Variants in ATRX observed in about 807,000 individuals in gnomAD.
The protein encoded by ATRX is chromatin remodeler ATRX.
ATRX carries 12 observed loss-of-function variants against 172.6 expected under a neutral mutation model. The observed-to-expected ratio is 0.07, with a 90% CI of 0.04 to 0.11. The LOEUF is 0.11. Among genes scored for constraint, ATRX ranks in the 10% least tolerant of loss-of-function variants. The pLI is 1.00. For missense variants in ATRX, 1,368 were observed against 1,767.4 expected, an observed-to-expected ratio of 0.77 and a Z score of 4.05; for synonymous variants, 674 against 594.7, an observed-to-expected ratio of 1.13 and a Z score of -1.94.
intron 30 of ATRX, among the ~76,000 whole-genome samples, chrX:77,551,478 T>G (rs1485410548): frequency 1.8e-5 from 2 of 112,002 alleles, no homozygotes; most frequent in Non-Finnish European, 3.8e-5. Flanking sequence ...CAAGATGGAT[T>G]AAAGACTTAA....
intron 10 of ATRX, among the ~76,000 whole-genome samples, chrX:77,671,167 A>AAATATATATATATAT (rs1424480831): frequency 1.3e-4 from 2 of 15,735 alleles, no homozygotes; most frequent in African/African-American, 2.1e-4. Context: ...AAAAAAAAAA[A>AAATATATATATATAT]ATATATATAT....
At chrX:77,522,084 C>A (rs940185342) in intron 32 of ATRX, 179 bp downstream of exon 32, 25 of 553,258 alleles carry the variant, frequency 4.5e-5, no homozygotes, top group Non-Finnish European at 5.9e-5. Context: ...TCTGAACAAA[C>A]CACATTTTAC....
chrX:77,569,014 T>A (rs1385662882), intron 28 of ATRX, among the ~76,000 whole-genome samples: 3 of 111,340 alleles, frequency 2.7e-5, no homozygotes, highest in Non-Finnish European at 5.7e-5. Flanking sequence ...TCAAAGAGGC[T>A]GAGGCAGGAG....
intron 1 of ATRX, among the ~76,000 whole-genome samples, chrX:77,720,030 C>G (rs2073664356): frequency 8.9e-6 from 1 of 112,020 alleles, no homozygotes; most frequent in Non-Finnish European, 1.9e-5. Context: ...GAAACTCATT[C>G]AAAACCGCAC....
intron 30 of ATRX, among the ~76,000 whole-genome samples, chrX:77,555,292 G>C (rs1403219088): frequency 1.8e-5 from 2 of 112,007 alleles, no homozygotes; most frequent in African/African-American, 6.5e-5. Flanking sequence ...ATGGAAGACA[G>C]TGTGGCGATT....
chrX:77,714,228 C>A (rs2073254018), intron 2 of ATRX, among the ~76,000 whole-genome samples: 1 of 111,033 alleles, frequency 9.0e-6, no homozygotes, highest in Non-Finnish European at 1.9e-5. Flanking sequence ...ATTCTGCCAA[C>A]AACCTGAATG....
At chrX:77,691,919 T>C (rs782599775) in intron 6 of ATRX, among the ~76,000 whole-genome samples, 1 of 112,165 alleles carries the variant, frequency 8.9e-6, no homozygotes, top group South Asian at 3.7e-4. Flanking sequence ...ATTTAAGTGC[T>C]ACTGATGGCT....
chrX:77,673,932 A>C (rs2070744372), intron 10 of ATRX: 1 of 111,213 alleles, frequency 9.0e-6, no homozygotes, highest in African/African-American at 3.2e-5. Context: ...ATTATTATTA[A>C]AATTAAATGC....
chrX:77,616,082 AT>A, intron 22 of ATRX: 1 of 753,633 alleles, frequency 1.3e-6, no homozygotes, highest in African/African-American at 2.3e-5. Flanking sequence ...ATTTTAAAGC[AT>A]AGAAAAATAC....
rs782407686 is a variant in ATRX at position 77,593,925 on chromosome X, C to CCTA, written c.5957-79_5957-77dup. 21 of 1,005,162 alleles carry CCTA rather than the reference C, an allele frequency of 2.1e-5. No individual in the cohort carries two copies. In the South Asian group the frequency reaches 4.3e-4, roughly 20 times the overall value. The allele number at this position is 1,005,162 out of a possible 1,213,427, so 82.8% of individuals were successfully genotyped here. Reference sequence around the variant, plus strand: ...AGAGAGCAAGAGAGACAGAAAAAGACCTACCCATGGGGAGAGTAAGAAAGA... The same window carrying CCTA: ...AGAGAGCAAGAGAGACAGAAAAAGACCTACTACCCATGGGGAGAGTAAGAAAGA... On this transcript the variant is annotated intron_variant, in intron 25 of 34. Transcript: ENST00000373344.
chrX:77,684,912 G>C (rs1220438084), intron 8 of ATRX, 27 bp downstream of exon 8: 4 of 1,152,406 alleles, frequency 3.5e-6, no homozygotes, highest in Non-Finnish European at 4.8e-6. Context: ...AGGAAACACT[G>C]AATGTTAGCT....
chrX:77,661,290 T>C (rs970978557), intron 12 of ATRX, among the ~76,000 whole-genome samples: 1 of 111,488 alleles, frequency 9.0e-6, no homozygotes, highest in Non-Finnish European at 1.9e-5. Context: ...AACTGCTAAA[T>C]TGTATACTGT....
intron 2 of ATRX, among the ~76,000 whole-genome samples, chrX:77,702,700 A>G (rs1384022888): frequency 1.8e-5 from 2 of 111,781 alleles, no homozygotes; most frequent in Admixed American, 1.9e-4. Context: ...CAATGGAAAA[A>G]CACTTCATGT....
intron 7 of ATRX, among the ~76,000 whole-genome samples, chrX:77,686,672 G>A (rs782313853): frequency 1.8e-5 from 2 of 110,830 alleles, no homozygotes; most frequent in South Asian, 3.9e-4. Flanking sequence ...CCAAGATCAC[G>A]CCATTGCACT....
intron 28 of ATRX, among the ~76,000 whole-genome samples, chrX:77,568,817 A>G (rs2065296990): frequency 1.8e-5 from 2 of 112,056 alleles, no homozygotes; most frequent in South Asian, 7.4e-4. Flanking sequence ...AAACCAATCT[A>G]CATAGCACAC....
chrX:77,664,695 T>G lies in ATRX; in HGVS notation c.3893A>C (p.Glu1298Ala). The G allele has an allele frequency of 8.3e-7, 1 of 1,210,989 alleles. No homozygotes were observed. The highest frequency in any genetic ancestry group is 1.8e-5 in the South Asian group (1 of 56,948). The part of the protein sequence containing the change: ...EDGSSDDEPE[E>A]GKKRTGKQNE... ...TTGTTTTCCAGTTCTTTTTTTCCCT[T>G]CTTCTGGCTCATCATCTGAAGATCC... The change falls in exon 11 of 35, where the codon GAA becomes GCA. Residue 1298 changes from glutamate (E) to alanine (A), a missense_variant. Around this residue, in one of 17 missense-constraint regions of ATRX, gnomAD observed 119 missense variants for 131.3 expected, o/e 0.91. Transcript: ENST00000373344.
intron 30 of ATRX, 144 bp from the exon 31 acceptor site, chrX:77,523,545 A>C: frequency 1.8e-6 from 1 of 557,296 alleles, no homozygotes; most frequent in Non-Finnish European, 2.8e-6. Flanking sequence ...TTACCTAAAA[A>C]ACAGCAGCAA....
intron 1 of ATRX, among the ~76,000 whole-genome samples, chrX:77,763,416 T>C (rs1557193858): frequency 9.5e-6 from 1 of 104,726 alleles, no homozygotes; most frequent in Admixed American, 1.0e-4. Context: ...AAGTGCTGGA[T>C]TACAGGCGTG....
At chrX:77,770,106 CTTT>C (rs782075675) in intron 1 of ATRX, among the ~76,000 whole-genome samples, 2 of 101,550 alleles carry the variant, frequency 2.0e-5, no homozygotes, top group Non-Finnish European at 4.0e-5. Context: ...AAATGATAAA[CTTT>C]TTTTTTTTTT....
Sources: gnomAD v4.1 joint callset for allele counts (sites outside exome capture counted in the v4.1 genomes callset) on GRCh38, gnomAD v4.1.1 for gene constraint, gnomAD v4.1.1 regional missense constraint, MANE v1.5 for transcripts, NCBI Gene and HGNC (gene_info 2026-07-23, HGNC 2026-07-21) for gene names.